Variants in HECW1 observed in about 807,000 individuals in gnomAD.
HECW1 encodes the protein HECT, C2 and WW domain containing E3 ubiquitin protein ligase 1, also known as E3 ubiquitin-protein ligase HECW1.
In HECW1, 61 loss-of-function variants were observed where a neutral mutation model predicts 182.3. The ratio of observed to expected loss-of-function variants is 0.33; its 90% CI spans 0.27 to 0.41. The LOEUF (loss-of-function observed/expected upper bound fraction) is 0.41, where lower values mean the gene tolerates loss of function less well. HECW1 is among the 10% of genes least tolerant of loss of function. HECW1 has a pLI of 1.00. For missense variants in HECW1, 1,739 were observed against 2,108.9 expected (o/e 0.82, Z 3.44); for synonymous variants, 859 against 832.6 (o/e 1.03, Z -0.55).
chr7:43,447,679 C>G (rs183425137), intron 11 of HECW1, among the ~76,000 whole-genome samples: 52 of 152,330 alleles, frequency 3.4e-4, no homozygotes, highest in Admixed American at 7.8e-4. Context: ...CCTTCACTTG[C>G]CACCAGGCTT....
chr7:43,200,381 A>G (rs1346400316), intron 2 of HECW1, among the ~76,000 whole-genome samples: 1 of 152,178 alleles, frequency 6.6e-6, no homozygotes, highest in African/African-American at 2.4e-5. Flanking sequence ...AGAATGGAAA[A>G]TTTTGGCTCA....
At chr7:43,460,438 T>C (rs1232782454) in intron 13 of HECW1, among the ~76,000 whole-genome samples, 1 of 152,166 alleles carries the variant, frequency 6.6e-6, no homozygotes, top group Non-Finnish European at 1.5e-5. Flanking sequence ...GTTCTTGGGC[T>C]TTTTTAAAGG....
chr7:43,452,959 A>G (rs2077282542), intron 12 of HECW1, among the ~76,000 whole-genome samples: 1 of 152,226 alleles, frequency 6.6e-6, no homozygotes, highest in African/African-American at 2.4e-5. Context: ...CATCTGGAGC[A>G]AACTGAGGAA....
chr7:43,160,202 AT>A (rs1790386119), intron 2 of HECW1, among the ~76,000 whole-genome samples: 1 of 152,188 alleles, frequency 6.6e-6, no homozygotes, highest in African/African-American at 2.4e-5. Context: ...CATTTGTTTT[AT>A]AATTTAAGAT....
At chr7:43,376,760 G>T (rs1414468149) in intron 6 of HECW1, among the ~76,000 whole-genome samples, 1 of 152,040 alleles carries the variant, frequency 6.6e-6, no homozygotes, top group Non-Finnish European at 1.5e-5. Flanking sequence ...CAGCTACTTG[G>T]GAGGCTGAGG....
At chr7:43,148,345 A>G (rs1419226803) in intron 2 of HECW1, among the ~76,000 whole-genome samples, 1 of 152,078 alleles carries the variant, frequency 6.6e-6, no homozygotes, top group Non-Finnish European at 1.5e-5. Flanking sequence ...AGGCTTGAAG[A>G]GGCTAGCAGC....
intron 2 of HECW1, among the ~76,000 whole-genome samples, chr7:43,205,281 C>A (rs1259108937): frequency 6.6e-6 from 1 of 152,100 alleles, no homozygotes; most frequent in Non-Finnish European, 1.5e-5. Context: ...GGTGGTGTTT[C>A]ACTATGTTGG....
chr7:43,508,916 C>T, intron 23 of HECW1, 53 bp from the exon 24 acceptor site: 2 of 1,588,350 alleles, frequency 1.3e-6, no homozygotes, highest in Non-Finnish European at 1.7e-6. Flanking sequence ...GCAAACAGGT[C>T]CCCCCACCTC....
At chr7:43,184,775 T>C (rs11769714) in intron 2 of HECW1, among the ~76,000 whole-genome samples, 36,663 of 152,024 alleles carry the variant, frequency 0.24, 4,617 homozygotes, top group Middle Eastern at 0.27. Flanking sequence ...TGGCTCATGG[T>C]TCTGCAGGCT....
intron 8 of HECW1, among the ~76,000 whole-genome samples, chr7:43,423,910 G>C (rs780042746): frequency 7.9e-5 from 12 of 152,208 alleles, no homozygotes; most frequent in Admixed American, 2.0e-4. Flanking sequence ...AGTCTGAGGA[G>C]AGCAGATCTA....
chr7:43,527,080 A>G (rs17172224), intron 24 of HECW1, among the ~76,000 whole-genome samples: 2,909 of 152,318 alleles, frequency 0.019, 95 homozygotes, highest in African/African-American at 0.066. Flanking sequence ...CAAATTTTCT[A>G]TATAATTCTG....
intron 3 of HECW1, among the ~76,000 whole-genome samples, chr7:43,298,290 C>G (rs533416772): frequency 1.2e-4 from 19 of 152,264 alleles, no homozygotes; most frequent in Middle Eastern, 3.4e-3. Context: ...AATTTTCACG[C>G]GAATAAGTCC....
chr7:43,428,871 C>T lies in HECW1; in HGVS notation c.802-9132C>T, dbSNP rs539521427. The stretch of plus-strand genomic sequence containing the variant: ...TATAGGTGTTTAAGTGAATCATCTC[C>T]AGAAGTAAAAGATGGGAGATATACA... On this transcript the variant is annotated intron_variant, in intron 8 of 29. Coordinates refer to ENST00000395891, the MANE Select transcript of HECW1 (RefSeq NM_015052.5). Among the ~76,000 whole-genome samples the T allele has an allele frequency of 1.4e-4, 21 of 151,896 alleles. No individual in the cohort carries two copies. In the South Asian group the frequency reaches 4.4e-3, roughly 32 times the overall value.
At chr7:43,180,228 T>C (rs1196301290) in intron 2 of HECW1, among the ~76,000 whole-genome samples, 2 of 152,360 alleles carry the variant, frequency 1.3e-5, no homozygotes, top group Non-Finnish European at 2.9e-5. Flanking sequence ...CCAGGATTAC[T>C]TTCACTGCAC....
chr7:43,273,439 G>A (rs763404352), intron 3 of HECW1, among the ~76,000 whole-genome samples: 13 of 152,002 alleles, frequency 8.6e-5, no homozygotes, highest in Middle Eastern at 3.4e-3. Flanking sequence ...TATAAATTTC[G>A]TAAATAATAG....
intron 5 of HECW1, among the ~76,000 whole-genome samples, chr7:43,329,488 AGGGG>A (rs1811198755): frequency 1.3e-5 from 2 of 151,942 alleles, no homozygotes; most frequent in Admixed American, 6.6e-5. Context: ...GAAAAATGGA[AGGGG>A]CTGATTCAGA....
At chr7:43,165,606 A>G (rs1258745190) in intron 2 of HECW1, among the ~76,000 whole-genome samples, 1 of 152,218 alleles carries the variant, frequency 6.6e-6, no homozygotes, top group Non-Finnish European at 1.5e-5. Flanking sequence ...CAACTCTCCT[A>G]TGCAGAGTTT....
chr7:43,464,517 G>A (rs2152895308), intron 14 of HECW1, among the ~76,000 whole-genome samples: 1 of 151,958 alleles, frequency 6.6e-6, no homozygotes, highest in South Asian at 2.1e-4. Flanking sequence ...AACCTGTAAT[G>A]AGATAAGATT....
chr7:43,435,571 G>A (rs1486157502), intron 8 of HECW1, among the ~76,000 whole-genome samples: 1 of 152,186 alleles, frequency 6.6e-6, no homozygotes, highest in Non-Finnish European at 1.5e-5. Context: ...TATACTTCCT[G>A]CTCCCTGAGG....
Sources: allele counts gnomAD v4.1 joint callset (sites outside exome capture counted in the v4.1 genomes callset), GRCh38; gene constraint gnomAD v4.1.1; transcripts MANE v1.5; gene names NCBI Gene and HGNC (gene_info 2026-07-23, HGNC 2026-07-21).